Variants in COPA observed in about 807,000 individuals in gnomAD.
COPA encodes coatomer subunit alpha.
A neutral mutation model predicts 158.7 loss-of-function variants in COPA; 10 were observed. The observed-to-expected ratio is 0.06, with a 90% CI of 0.04 to 0.11. The LOEUF (loss-of-function observed/expected upper bound fraction) is 0.11, where lower values mean the gene tolerates loss of function less well. Ranked by LOEUF, COPA falls within the 10% of genes least tolerant of loss-of-function variation. The pLI is 1.00. For synonymous variants in COPA, 462 were observed against 542.8 expected, an observed-to-expected ratio of 0.85 and a Z score of 2.07; for missense variants, 1,065 against 1,536.7, an observed-to-expected ratio of 0.69 and a Z score of 5.13.
chr1:160,306,558 G>A, intron 14 of COPA, 65 bp from the exon 15 acceptor site: 1 of 1,589,284 alleles, frequency 6.3e-7, no homozygotes, highest in Non-Finnish European at 8.6e-7. Flanking sequence ...GACAACTGAT[G>A]ATGTTCCTCA....
chr1:160,298,912 A>T lies in COPA; in HGVS notation c.1910T>A (p.Val637Glu). The T allele has an allele frequency of 2.5e-6, 4 of 1,614,162 alleles. No homozygotes were observed. Among genetic ancestry groups the T allele is most frequent in the Non-Finnish European group, 3.4e-6 (4 of 1,180,034 alleles). ...AYLQKKGYPE[V>E]ALHFVKDEKT... ...CTCATCCTTGACAAAATGCAGTGCC[A>T]CTTCAGGATAGCCCTTCTTCTGGAG... The change falls in exon 19 of 33, where the codon GTG (valine) becomes GAG (glutamate). Residue 637 changes from valine (V) to glutamate (E), a missense_variant. By Grantham distance (121) the Val-to-Glu change is moderately radical (BLOSUM62 -2). This residue lies in a region of COPA where 980 missense variants were observed against 1,357.8 expected (regional missense o/e 0.72). Coordinates refer to ENST00000241704, the MANE Select transcript of COPA (RefSeq NM_004371.4).
rs113739657 is a variant in COPA at position 160,309,933 on chromosome 1, A to G, written c.1143+259T>C. Among the ~76,000 whole-genome samples the G allele has an allele frequency of 7.5e-3, 1,141 of 152,208 alleles. 20 individuals are homozygous for G. The highest frequency in any genetic ancestry group is 0.026 in the African/African-American group (1,083 of 41,526). On this transcript the variant is annotated intron_variant, in intron 12 of 32. Coordinates refer to ENST00000241704, the MANE Select transcript of COPA (RefSeq NM_004371.4). ...ATATATAGTCTAAACATTCTCTCAA[A>G]TTATTTCTAGTGATCTGGGTCATTC... is the stretch of plus-strand genomic sequence containing the variant.
intron 11 of COPA, 64 bp from the exon 12 acceptor site, chr1:160,310,322 A>C: frequency 1.0e-6 from 1 of 982,672 alleles, no homozygotes; most frequent in Non-Finnish European, 1.6e-6. Context: ...GGAAGAAAGG[A>C]ATCACCCCCA....
In COPA at chr1:160,329,572, C is replaced by T. The variant is rs534541450; in HGVS notation, c.496+2876G>A. Among the ~76,000 whole-genome samples the T allele has an allele frequency of 7.2e-5, 11 of 152,096 alleles. No individual in the cohort carries two copies. The South Asian group carries it at 2.3e-3, about 32-fold the overall frequency. ...ACTGCATTGGCTAGACTGCAGGGAA[C>T]ATGCAAGGCTGGCATCAGGTGGCAC... On this transcript the variant is annotated intron_variant, in intron 6 of 32. Coordinates refer to ENST00000241704, the MANE Select transcript of COPA (RefSeq NM_004371.4).
intron 25 of COPA, among the ~76,000 whole-genome samples, chr1:160,293,857 T>C (rs1658319592): frequency 6.6e-6 from 1 of 151,992 alleles, no homozygotes; most frequent in African/African-American, 2.4e-5. Context: ...AACACAACCA[T>C]TTACATTGTT....
At chr1:160,335,403 G>C in intron 3 of COPA, 81 bp from the exon 4 acceptor site, 1 of 1,095,220 alleles carries the variant, frequency 9.1e-7, no homozygotes, top group South Asian at 1.6e-5. Context: ...TCTTTACAGA[G>C]ATAGAAATAT....
Position 160,290,050 on chromosome 1 carries a change from C to A in COPA, c.*107G>T. The A allele has an allele frequency of 2.0e-6, 2 of 1,021,344 alleles. No homozygotes were observed. Among genetic ancestry groups the A allele is most frequent in the East Asian group, 4.9e-5 (2 of 41,202 alleles). 63.3% of individuals were successfully genotyped at this position (1,021,344 alleles called of 1,614,324 possible). ...ATACTAGGTTTTAGGGTACAGAGAG[C>A]CAGATCTGAAGAGTAGCTGCAGGGG... On this transcript the variant is annotated 3_prime_UTR_variant, in exon 33 of 33. Transcript: ENST00000241704.
chr1:160,317,808 C>T, intron 8 of COPA: 2 of 772,006 alleles, frequency 2.6e-6, no homozygotes, highest in Admixed American at 3.9e-5. Context: ...ACTGGCACCC[C>T]ATCTCTTTGA....
rs759567454 is a variant in COPA at position 160,297,366 on chromosome 1, C to T, written c.2240G>A (p.Arg747Gln). Residue 747 changes from arginine (R) to glutamine (Q), a missense_variant, in exon 21 of 33, where the codon CGG becomes CAG. Arg to Gln is a conservative substitution (Grantham distance 43). This residue lies in a region of COPA where 980 missense variants were observed against 1,357.8 expected (regional missense o/e 0.72). Transcript: ENST00000241704. ...ACTCTGTCCACAGTTCTTCAGGATC[C>T]GCACACGCTCTGACACATCACCCAG... Reference protein sequence around the residue: ...LYLGDVSERVRILKNCGQKSL... With the variant: ...LYLGDVSERVQILKNCGQKSL... 1.6e-5 allele frequency: 26 copies of T among 1,613,986 alleles called. No individual in the cohort carries two copies. Among genetic ancestry groups the T allele is most frequent in the Middle Eastern group, 1.6e-4 (1 of 6,084 alleles).
Position 160,325,592 on chromosome 1 carries a change from C to G in COPA, c.557G>C (p.Gly186Ala). ...AVESDVRGIT[G>A]VDLFGTTDAV... is the part of the protein sequence containing the mutation. ...ATCTGTAGTTCCAAATAGATCAACC[C>G]CAGTTATTCCTCTCACATCCGATTC... Residue 186 changes from glycine (G) to alanine (A), a missense_variant, in exon 7 of 33, where the codon GGG becomes GCG. Physicochemically the swap from Gly to Ala is moderately conservative, Grantham distance 60. This residue lies in a region of COPA where 980 missense variants were observed against 1,357.8 expected (regional missense o/e 0.72). Coordinates refer to ENST00000241704, the MANE Select transcript of COPA (RefSeq NM_004371.4). 1 of 1,614,188 alleles carries G rather than the reference C, an allele frequency of 6.2e-7. No homozygotes were observed. Among genetic ancestry groups the G allele is most frequent in the Non-Finnish European group, 8.5e-7 (1 of 1,180,028 alleles).
intron 17 of COPA, among the ~76,000 whole-genome samples, chr1:160,302,581 G>T (rs968260292): frequency 8.0e-6 from 1 of 124,734 alleles, no homozygotes; most frequent in Non-Finnish European, 1.6e-5. Flanking sequence ...TTGAGATGGA[G>T]TCTCACTCTG....
rs1179878213 is a variant in COPA at position 160,311,965 on chromosome 1, C to T, written c.979G>A (p.Ala327Thr). Residue 327 changes from alanine to threonine, a missense_variant, in exon 11 of 33, where the codon GCT (alanine) becomes ACT (threonine). Physicochemically the swap from Ala to Thr is moderately conservative, Grantham distance 58. Coordinates refer to ENST00000241704, the MANE Select transcript of COPA (RefSeq NM_004371.4). ...FKLERERPAY[A>T]VHGNMLHYVK... ...TAGTGTAGCATATTGCCATGAACAG[C>T]ATAGGCTGGCCGTTCCCGTTCCAGC... 6.2e-7 allele frequency: 1 copy of T among 1,614,028 alleles called. No homozygotes were observed. The highest frequency in any genetic ancestry group is 1.7e-5 in the Admixed American group (1 of 60,016).
At chr1:160,313,508 A>G (rs1168354067) in intron 9 of COPA, among the ~76,000 whole-genome samples, 3 of 151,450 alleles carry the variant, frequency 2.0e-5, no homozygotes, top group South Asian at 2.1e-4. Flanking sequence ...TCCACCTCCC[A>G]GGTTCATGCC....
chr1:160,332,391 C>A, intron 6 of COPA, 57 bp downstream of exon 6: 1 of 1,163,672 alleles, frequency 8.6e-7, no homozygotes, highest in Non-Finnish European at 1.3e-6. Flanking sequence ...CTATTTTAAG[C>A]AATTGCAGTT....
intron 6 of COPA, among the ~76,000 whole-genome samples, chr1:160,330,668 G>A (rs530650122): frequency 6.6e-6 from 1 of 152,290 alleles, no homozygotes; most frequent in East Asian, 1.9e-4. Context: ...AAGAACAAGT[G>A]CCATTATTGC....
chr1:160,290,261 T>C (rs1166528176), intron 32 of COPA, 45 bp from the exon 33 acceptor site: 1 of 1,607,294 alleles, frequency 6.2e-7, no homozygotes, highest in East Asian at 2.2e-5. Context: ...TTTGTAAGAT[T>C]GAGAACCCTA....
intron 8 of COPA, among the ~76,000 whole-genome samples, chr1:160,322,983 G>A (rs941254850): frequency 2.1e-5 from 3 of 140,528 alleles, no homozygotes; most frequent in African/African-American, 6.3e-5. Context: ...TTACATACGC[G>A]CACGTGCACA....
intron 1 of COPA, 58 bp from the exon 2 acceptor site, chr1:160,340,352 G>T: frequency 9.3e-7 from 1 of 1,075,010 alleles, no homozygotes; most frequent in Non-Finnish European, 1.4e-6. Context: ...GTCACCTTCT[G>T]TCAATTCTGA....
Position 160,292,465 on chromosome 1 carries a change from A to C in COPA, c.2960+19T>G, listed in dbSNP as rs769851527. The C allele has an allele frequency of 3.2e-5, 51 of 1,612,964 alleles. No homozygotes were observed. The highest frequency in any genetic ancestry group is 1.7e-4 in the Middle Eastern group (1 of 6,052). Reference sequence around the variant, plus strand: ...ACCACAACTTGGAACAGATGAAAGCAAAGAGAAAAGGGCCTTACCAGTTGC... The same window carrying C: ...ACCACAACTTGGAACAGATGAAAGCCAAGAGAAAAGGGCCTTACCAGTTGC... On this transcript the variant is annotated intron_variant, in intron 28 of 32. Coordinates refer to ENST00000241704, the MANE Select transcript of COPA (RefSeq NM_004371.4).
Sources: gnomAD v4.1 joint callset for allele counts (sites outside exome capture counted in the v4.1 genomes callset) on GRCh38, gnomAD v4.1.1 for gene constraint, gnomAD v4.1.1 regional missense constraint, MANE v1.5 for transcripts, NCBI Gene and HGNC (gene_info 2026-07-23, HGNC 2026-07-21) for gene names.